The following VWC2 variants were observed in gnomAD, a reference collection of about 807,000 sequenced individuals.
VWC2 encodes the protein von Willebrand factor C domain containing 2.
In VWC2, 14 loss-of-function variants were observed where a neutral mutation model predicts 29.8. That is an observed-to-expected ratio of 0.47 (90% CI 0.31 to 0.74). The LOEUF is 0.74. Ranked by LOEUF, VWC2 falls within the 30% of genes least tolerant of loss-of-function variation. The pLI is 0.05. For missense variants in VWC2, 457 were observed against 459.8 expected (o/e 0.99, Z 0.05); for synonymous variants, 213 against 199.0 (o/e 1.07, Z -0.59).
At position 49,919,194 on chromosome 7, in the gene VWC2, C is replaced by T. The variant is rs975761428; in HGVS notation, c.*7009C>T. The T allele has an allele frequency of 6.6e-6, 1 of 152,240 alleles. No individual in the cohort carries two copies. Among genetic ancestry groups the T allele is most frequent in the South Asian group, 2.1e-4 (1 of 4,820 alleles). 9.4% of individuals were successfully genotyped at this position (152,240 alleles called of 1,614,324 possible). A position where few individuals can be genotyped will look rare whatever the true frequency, so the allele number is the denominator to read the frequency against. Reference sequence around the variant, plus strand: ...TCTTCCCTGGGGAGCAGCTGTGAGTCTTACTGAATCGATTTATTCATTGCA... The same window carrying T: ...TCTTCCCTGGGGAGCAGCTGTGAGTTTTACTGAATCGATTTATTCATTGCA... On this transcript the variant is annotated 3_prime_UTR_variant, in exon 4 of 4. Transcript: ENST00000340652.
At chr7:49,852,418 G>C (rs967248686) in intron 3 of VWC2, among the ~76,000 whole-genome samples, 2 of 152,214 alleles carry the variant, frequency 1.3e-5, no homozygotes, top group Non-Finnish European at 2.9e-5. Context: ...AAGGTGACCG[G>C]TGCTGTTTTG....
chr7:49,779,145 T>C (rs745390971), intron 2 of VWC2, among the ~76,000 whole-genome samples: 9 of 152,196 alleles, frequency 5.9e-5, no homozygotes, highest in Non-Finnish European at 1.3e-4. Flanking sequence ...AGAGCCTGGC[T>C]GTGCTTGTGA....
intron 3 of VWC2, among the ~76,000 whole-genome samples, chr7:49,869,807 T>C (rs953875882): frequency 2.0e-5 from 3 of 151,996 alleles, no homozygotes; most frequent in African/African-American, 7.2e-5. Flanking sequence ...ATTTATAAAA[T>C]GTACATATAT....
chr7:49,843,723 T>C (rs933883730), intron 3 of VWC2, among the ~76,000 whole-genome samples: 4 of 152,216 alleles, frequency 2.6e-5, no homozygotes, highest in Admixed American at 6.5e-5. Flanking sequence ...GACAAGGTCA[T>C]AGAAGCACTG....
chr7:49,908,542 T>A (rs1021453347), intron 3 of VWC2, among the ~76,000 whole-genome samples: 6 of 152,302 alleles, frequency 3.9e-5, no homozygotes, highest in Admixed American at 2.6e-4. Flanking sequence ...ATTATGAATT[T>A]ATAATTTTTA....
rs1443464759 is a variant in VWC2 at position 49,910,103 on chromosome 7, C to A, written c.827-1931C>A. On this transcript the variant is annotated intron_variant, in intron 3 of 3. Transcript: ENST00000340652. The stretch of plus-strand genomic sequence containing the variant: ...CTCCAGCCTGGGTGACAGAGCAATA[C>A]CCTGTCTCAAACACAAAACAAACAA... Among the ~76,000 whole-genome samples, 4 of 152,108 alleles carry A rather than the reference C, an allele frequency of 2.6e-5. No homozygotes were observed. The East Asian group carries it at 5.8e-4, about 22-fold the overall frequency.
chr7:49,816,174 C>T (rs560756304), intron 3 of VWC2, among the ~76,000 whole-genome samples: 1 of 151,970 alleles, frequency 6.6e-6, no homozygotes, highest in South Asian at 2.1e-4. Flanking sequence ...GAATGGATGC[C>T]GACTAGATTA....
At chr7:49,805,517 T>C (rs944001477) in intron 3 of VWC2, among the ~76,000 whole-genome samples, 2 of 152,184 alleles carry the variant, frequency 1.3e-5, no homozygotes, top group African/African-American at 4.8e-5. Flanking sequence ...TGTCTCTAGT[T>C]ATAGGGTATT....
chr7:49,918,660 T>C lies in VWC2; in HGVS notation c.*6475T>C, dbSNP rs771952235. ...AAGTAAACTGCCATTTATTAGGTGATGATTATAGGGCAAACACTACAATTT... is the reference window on the plus strand; with the variant it reads ...AAGTAAACTGCCATTTATTAGGTGACGATTATAGGGCAAACACTACAATTT... On this transcript the variant is annotated 3_prime_UTR_variant, in exon 4 of 4. Coordinates refer to ENST00000340652, the MANE Select transcript of VWC2 (RefSeq NM_198570.5). The C allele has an allele frequency of 3.3e-5, 5 of 152,238 alleles. No individual in the cohort carries two copies. The highest frequency in any genetic ancestry group is 1.9e-4 in the East Asian group (1 of 5,196). The allele number at this position is 152,238 out of a possible 1,614,324, so 9.4% of individuals were successfully genotyped here. A position where few individuals can be genotyped will look rare whatever the true frequency, so the allele number is the denominator to read the frequency against.
intron 3 of VWC2, among the ~76,000 whole-genome samples, chr7:49,870,316 C>T (rs576581414): frequency 4.6e-5 from 7 of 152,236 alleles, no homozygotes; most frequent in Admixed American, 2.6e-4. Context: ...AGGAGAATGG[C>T]GTGAACCCAG....
intron 3 of VWC2, among the ~76,000 whole-genome samples, 190 bp downstream of exon 3, chr7:49,803,030 C>T (rs1193175175): frequency 6.6e-6 from 1 of 152,238 alleles, no homozygotes; most frequent in East Asian, 1.9e-4. Context: ...CTCTTACTGG[C>T]ATCAGCACCA....
In VWC2 at chr7:49,912,996, A is replaced by T. The variant is rs1304885249; in HGVS notation, c.*811A>T. Reference sequence around the variant, plus strand: ...CATTACTGTTCCATCAAGCTGAAGCAGACAACAAAATAGGGGAGGAGTCCT... The same window carrying T: ...CATTACTGTTCCATCAAGCTGAAGCTGACAACAAAATAGGGGAGGAGTCCT... On this transcript the variant is annotated 3_prime_UTR_variant, in exon 4 of 4. Transcript: ENST00000340652. 1 of 152,210 alleles carries T rather than the reference A, an allele frequency of 6.6e-6. No individual in the cohort carries two copies. The highest frequency in any genetic ancestry group is 1.5e-5 in the Non-Finnish European group (1 of 68,028). 9.4% of individuals were successfully genotyped at this position (152,210 alleles called of 1,614,324 possible). A position where few individuals can be genotyped will look rare whatever the true frequency, so the allele number is the denominator to read the frequency against.
chr7:49,837,892 C>A (rs536168536), intron 3 of VWC2, among the ~76,000 whole-genome samples: 1 of 152,192 alleles, frequency 6.6e-6, no homozygotes, highest in East Asian at 1.9e-4. Flanking sequence ...TCCCATTAGT[C>A]CTTATGATAT....
chr7:49,857,398 G>A (rs776587414), intron 3 of VWC2, among the ~76,000 whole-genome samples: 7 of 152,152 alleles, frequency 4.6e-5, no homozygotes, highest in Non-Finnish European at 1.0e-4. Context: ...TCCAATGTAG[G>A]CATATAGCAC....
intron 2 of VWC2, among the ~76,000 whole-genome samples, chr7:49,783,821 G>A (rs1788231930): frequency 6.6e-6 from 1 of 152,038 alleles, no homozygotes; most frequent in South Asian, 2.1e-4. Flanking sequence ...AGGCCGAGCT[G>A]GGAGGATCAC....
chr7:49,798,338 G>A (rs1788646148), intron 2 of VWC2, among the ~76,000 whole-genome samples: 1 of 152,254 alleles, frequency 6.6e-6, no homozygotes, highest in African/African-American at 2.4e-5. Flanking sequence ...ATCCAGCTAT[G>A]GGTTGGTGAA....
chr7:49,855,365 G>C (rs1327447622), intron 3 of VWC2, among the ~76,000 whole-genome samples: 1 of 152,098 alleles, frequency 6.6e-6, no homozygotes, highest in Non-Finnish European at 1.5e-5. Flanking sequence ...CAGGTTGCCT[G>C]GCATTAGGTG....
Position 49,916,768 on chromosome 7 carries a change from C to CA in VWC2, c.*4583_*4584insA. The CA allele has an allele frequency of 6.6e-6, 1 of 152,166 alleles. No homozygotes were observed. Among genetic ancestry groups the CA allele is most frequent in the Non-Finnish European group, 1.5e-5 (1 of 68,016 alleles). The allele number at this position is 152,166 out of a possible 1,614,324, so 9.4% of individuals were successfully genotyped here. On this transcript the variant is annotated 3_prime_UTR_variant, in exon 4 of 4. Transcript: ENST00000340652. ...AAAACTCCCATTACTGTTTGCCAAC[C>CA]CAGTTGTCTTTTGATTTCTCTGTCA... is the stretch of plus-strand genomic sequence containing the variant.
intron 3 of VWC2, among the ~76,000 whole-genome samples, chr7:49,870,049 T>C (rs1250126716): frequency 2.0e-5 from 3 of 152,198 alleles, no homozygotes; most frequent in Non-Finnish European, 4.4e-5. Flanking sequence ...AACCGATCTA[T>C]GGTGGTAGAA....
Sources: allele counts gnomAD v4.1 joint callset (sites outside exome capture counted in the v4.1 genomes callset), GRCh38; gene constraint gnomAD v4.1.1; transcripts MANE v1.5; gene names NCBI Gene and HGNC (gene_info 2026-07-23, HGNC 2026-07-21).